Variants in PSD3 observed in about 807,000 individuals in gnomAD.
The protein encoded by PSD3 is PH and SEC7 domain-containing protein 3.
In PSD3, 49 loss-of-function variants were observed where a neutral mutation model predicts 105.5. The ratio of observed to expected loss-of-function variants is 0.46; its 90% CI spans 0.37 to 0.59. The LOEUF (loss-of-function observed/expected upper bound fraction) is 0.59. Among genes scored for constraint, PSD3 ranks in the 20% least tolerant of loss-of-function variants. The pLI is 0.00. For synonymous variants in PSD3, 557 were observed against 457.8 expected (o/e 1.22, Z -2.77); for missense variants, 1,561 against 1,263.8 (o/e 1.24, Z -3.57).
intron 1 of PSD3, among the ~76,000 whole-genome samples, chr8:19,073,466 G>T (rs1204651258): frequency 7.0e-6 from 1 of 142,780 alleles, no homozygotes; most frequent in Non-Finnish European, 1.5e-5. Flanking sequence ...AACAAGAATC[G>T]CTTGAACTCA....
intron 1 of PSD3, among the ~76,000 whole-genome samples, chr8:18,991,355 C>CAG: frequency 1.5e-5 from 1 of 68,290 alleles, no homozygotes; most frequent in East Asian, 5.2e-4. Flanking sequence ...CACACACATA[C>CAG]ACACACACAC....
At chr8:19,051,768 T>G (rs1828538089) in intron 1 of PSD3, among the ~76,000 whole-genome samples, 1 of 152,202 alleles carries the variant, frequency 6.6e-6, no homozygotes, top group Admixed American at 6.5e-5. Flanking sequence ...TTCATCATTG[T>G]ATCCACCGTA....
intron 9 of PSD3, among the ~76,000 whole-genome samples, chr8:18,671,549 A>G (rs934120272): frequency 2.2e-4 from 34 of 152,206 alleles, no homozygotes; most frequent in African/African-American, 8.0e-4. Context: ...GGTATTCCAC[A>G]GCAGATTTAA....
intron 10 of PSD3, among the ~76,000 whole-genome samples, chr8:18,638,186 G>A (rs1807406052): frequency 1.3e-5 from 2 of 148,692 alleles, no homozygotes; most frequent in African/African-American, 4.9e-5. Flanking sequence ...ATTCAGTACT[G>A]TTACAGCCCA....
intron 1 of PSD3, among the ~76,000 whole-genome samples, chr8:19,061,241 G>A (rs183406401): frequency 6.6e-6 from 1 of 151,904 alleles, no homozygotes; most frequent in African/African-American, 2.4e-5. Context: ...ACCACATTGA[G>A]AAAACAAACA....
intron 1 of PSD3, among the ~76,000 whole-genome samples, chr8:19,044,892 A>G (rs768622979): frequency 6.6e-6 from 1 of 152,204 alleles, no homozygotes; most frequent in Non-Finnish European, 1.5e-5. Flanking sequence ...TTTTAAGAAA[A>G]GTAATGTCCA....
chr8:18,752,569 ATATATAAT>A (rs1563225539), intron 9 of PSD3, among the ~76,000 whole-genome samples: 827 of 79,018 alleles, frequency 0.01, 23 homozygotes, highest in African/African-American at 0.066. Flanking sequence ...TATATATTAT[ATATATAAT>A]TATATATATT....
intron 9 of PSD3, among the ~76,000 whole-genome samples, chr8:18,757,122 C>T (rs1012485809): frequency 1.3e-5 from 2 of 149,748 alleles, no homozygotes; most frequent in Non-Finnish European, 3.0e-5. Flanking sequence ...CTCTGCCACA[C>T]AGCCTTCCAT....
intron 15 of PSD3, among the ~76,000 whole-genome samples, chr8:18,545,006 T>C (rs1585209368): frequency 6.6e-6 from 1 of 152,318 alleles, no homozygotes; most frequent in East Asian, 1.9e-4. Context: ...TACCTTTGAA[T>C]AACAACACTG....
At chr8:18,793,387 AC>A (rs1809921578) in intron 8 of PSD3, among the ~76,000 whole-genome samples, 5 of 151,268 alleles carry the variant, frequency 3.3e-5, no homozygotes, top group African/African-American at 9.7e-5. Context: ...AAAAAACAAA[AC>A]AAAACTGGGT....
chr8:18,683,217 G>A (rs937548506), intron 9 of PSD3, among the ~76,000 whole-genome samples: 3 of 152,172 alleles, frequency 2.0e-5, no homozygotes, highest in South Asian at 2.1e-4. Flanking sequence ...ATATGTGTAA[G>A]GAACATGAAA....
intron 15 of PSD3, among the ~76,000 whole-genome samples, chr8:18,544,273 G>A (rs1385044451): frequency 1.3e-5 from 2 of 150,464 alleles, no homozygotes; most frequent in African/African-American, 2.5e-5. Context: ...TGCGTACTAC[G>A]AGATGATGGC....
intron 12 of PSD3, among the ~76,000 whole-genome samples, chr8:18,592,993 C>A (rs974207780): frequency 3.8e-4 from 58 of 152,276 alleles, no homozygotes; most frequent in Admixed American, 1.6e-3. Context: ...TAAAGACTTA[C>A]ATGTTAGACC....
intron 1 of PSD3, among the ~76,000 whole-genome samples, chr8:18,983,533 T>C (rs1276079898): frequency 2.0e-5 from 3 of 152,192 alleles, no homozygotes; most frequent in African/African-American, 4.8e-5. Flanking sequence ...CGTGAACACT[T>C]AGAGGCCATT....
At chr8:19,015,858 G>A (rs747960675), upstream of PSD3, among the ~76,000 whole-genome samples, 8 of 152,150 alleles carry the variant, frequency 5.3e-5, no homozygotes, top group East Asian at 1.9e-4. Flanking sequence ...AATTTCCATC[G>A]CAAAGGAAAT....
chr8:18,724,123 G>T (rs1803180961), intron 9 of PSD3, among the ~76,000 whole-genome samples: 1 of 152,104 alleles, frequency 6.6e-6, no homozygotes, highest in Non-Finnish European at 1.5e-5. Flanking sequence ...ATGAGCCTAG[G>T]GTTTGGATTC....
At chr8:18,716,426 TGAG>T (rs1802604251) in intron 9 of PSD3, among the ~76,000 whole-genome samples, 3 of 152,130 alleles carry the variant, frequency 2.0e-5, no homozygotes. Flanking sequence ...CCCTGATTAA[TGAG>T]GAGCCAATGA....
chr8:18,943,589 G>A (rs1441803941), intron 1 of PSD3, among the ~76,000 whole-genome samples: 1 of 152,136 alleles, frequency 6.6e-6, no homozygotes, highest in Non-Finnish European at 1.5e-5. Context: ...AACTCTTGAA[G>A]TGAAGGAAAA....
intron 9 of PSD3, among the ~76,000 whole-genome samples, chr8:18,725,400 G>A (rs1255466064): frequency 6.6e-6 from 1 of 152,164 alleles, no homozygotes; most frequent in East Asian, 1.9e-4. Context: ...GGGGTCAGAA[G>A]AAAGATGAAA....
Sources: allele counts gnomAD v4.1 joint callset (sites outside exome capture counted in the v4.1 genomes callset), GRCh38; gene constraint gnomAD v4.1.1; transcripts MANE v1.5; gene names NCBI Gene and HGNC (gene_info 2026-07-23, HGNC 2026-07-21).